PTCHD4: variants seen among roughly 807,000 people sequenced by gnomAD.
The protein encoded by PTCHD4 is patched domain containing 4, also known as patched domain-containing protein 4.
PTCHD4 carries 33 observed loss-of-function variants against 58.1 expected under a neutral mutation model. The ratio of observed to expected loss-of-function variants is 0.57; its 90% CI spans 0.43 to 0.76. The LOEUF (loss-of-function observed/expected upper bound fraction) is 0.76. Ranked by LOEUF, PTCHD4 falls within the 30% of genes least tolerant of loss-of-function variation. PTCHD4 has a pLI of 0.00. For synonymous variants in PTCHD4, 478 were observed against 409.6 expected (o/e 1.17, Z -2.02); for missense variants, 1,058 against 1,027.1 (o/e 1.03, Z -0.41).
At chr6:47,914,214 G>A (rs1315550782) in intron 4 of PTCHD4, among the ~76,000 whole-genome samples, 1 of 152,118 alleles carries the variant, frequency 6.6e-6, no homozygotes, top group Non-Finnish European at 1.5e-5. Context: ...AGCCATTTAA[G>A]TGTTTTCTTA....
rs536307160 is a variant in PTCHD4, at chr6:47,872,028, C to CTT, written c.*6273_*6274dup. The stretch of plus-strand genomic sequence containing the variant: ...AGATGCAAGAATATGACGGCTTATT[C>CTT]TTTTTTTTTTTTCCCCAGCTCTATC... On this transcript the variant is annotated 3_prime_UTR_variant, in exon 5 of 5. Coordinates refer to ENST00000339488, the MANE Select transcript of PTCHD4 (RefSeq NM_001384253.1). Among the ~76,000 whole-genome samples, 100 of 144,394 alleles carry CTT rather than the reference C, an allele frequency of 6.9e-4. 1 individual carries two copies. The highest frequency in any genetic ancestry group is 3.7e-3 in the Admixed American group (53 of 14,392). The allele number at this position is 144,394 out of a possible 152,430, so 94.7% of individuals were successfully genotyped here. A position where few individuals can be genotyped will look rare whatever the true frequency, so the allele number is the denominator to read the frequency against.
intron 4 of PTCHD4, among the ~76,000 whole-genome samples, chr6:47,981,976 G>T (rs1767896675): frequency 6.6e-6 from 1 of 152,128 alleles, no homozygotes; most frequent in Admixed American, 6.5e-5. Flanking sequence ...ACATTCCTCT[G>T]ACTCTCCCAA....
chr6:47,909,658 G>C (rs990947510), intron 4 of PTCHD4, among the ~76,000 whole-genome samples: 7 of 151,916 alleles, frequency 4.6e-5, no homozygotes, highest in African/African-American at 1.7e-4. Flanking sequence ...GCCTAGGCTG[G>C]CCTCAAACTT....
intron 3 of PTCHD4, among the ~76,000 whole-genome samples, chr6:48,043,426 T>C (rs1763917200): frequency 6.6e-6 from 1 of 151,684 alleles, no homozygotes. Flanking sequence ...AAAGGCAGCG[T>C]TTTTTTGACT....
chr6:47,916,328 C>G (rs753185392), intron 4 of PTCHD4, among the ~76,000 whole-genome samples: 2 of 151,998 alleles, frequency 1.3e-5, no homozygotes, highest in African/African-American at 4.8e-5. Context: ...GAGGTCATAG[C>G]CCACCCCAGA....
intron 4 of PTCHD4, among the ~76,000 whole-genome samples, chr6:47,929,281 A>G (rs551241886): frequency 1.3e-3 from 201 of 152,372 alleles, no homozygotes; most frequent in Non-Finnish European, 2.0e-3. Flanking sequence ...CAGAAGATTT[A>G]GCAGAAGTAA....
chr6:47,981,144 T>G (rs534730170), intron 4 of PTCHD4, among the ~76,000 whole-genome samples: 70 of 152,314 alleles, frequency 4.6e-4, no homozygotes, highest in Admixed American at 2.1e-3. Context: ...TATTCCATAT[T>G]TCTATTTTTT....
chr6:48,080,164 C>G (rs1765136821), intron 1 of PTCHD4, among the ~76,000 whole-genome samples: 1 of 151,902 alleles, frequency 6.6e-6, no homozygotes, highest in South Asian at 2.1e-4. Context: ...AAAACTCAGA[C>G]TATGTTTGAC....
chr6:47,957,812 G>C (rs1022721902), intron 4 of PTCHD4, among the ~76,000 whole-genome samples: 1 of 151,640 alleles, frequency 6.6e-6, no homozygotes, highest in Non-Finnish European at 1.5e-5. Context: ...CATCGTGTTA[G>C]CCAGGATGGT....
At chr6:47,892,312 CAA>C (rs1306770311) in intron 4 of PTCHD4, among the ~76,000 whole-genome samples, 2 of 152,096 alleles carry the variant, frequency 1.3e-5, no homozygotes, top group Non-Finnish European at 2.9e-5. Flanking sequence ...ATAATAAATA[CAA>C]GAACTTGCAG....
At chr6:48,090,082 T>C (rs1212061875) in intron 1 of PTCHD4, among the ~76,000 whole-genome samples, 1 of 152,218 alleles carries the variant, frequency 6.6e-6, no homozygotes, top group Non-Finnish European at 1.5e-5. Flanking sequence ...GTTCTTAACA[T>C]AATATCTGAT....
At chr6:47,897,392 A>T (rs961677225) in intron 4 of PTCHD4, among the ~76,000 whole-genome samples, 6 of 152,180 alleles carry the variant, frequency 3.9e-5, no homozygotes, top group Non-Finnish European at 8.8e-5. Flanking sequence ...CAGCTTTCTC[A>T]TTCCATGCAT....
chr6:48,080,533 A>T (rs1470842713), intron 1 of PTCHD4, among the ~76,000 whole-genome samples: 1 of 152,192 alleles, frequency 6.6e-6, no homozygotes, highest in Non-Finnish European at 1.5e-5. Flanking sequence ...CCTACTTCCT[A>T]CATAGACTGT....
rs116855954 is a variant in PTCHD4 at position 47,859,873 on chromosome 6, C to T, written c.*18430G>A. ...AGAGCATTCAGGGTGGTGGGAACTGCAATGACAAAAGACCAAAGGGGGTGC... is the reference window on the plus strand; with the variant it reads ...AGAGCATTCAGGGTGGTGGGAACTGTAATGACAAAAGACCAAAGGGGGTGC... On this transcript the variant is annotated 3_prime_UTR_variant, in exon 5 of 5. Coordinates refer to ENST00000339488, the MANE Select transcript of PTCHD4 (RefSeq NM_001384253.1). 0.042 allele frequency among the ~76,000 whole-genome samples: 6,354 copies of T among 151,978 alleles called. 186 individuals are homozygous for T. Among genetic ancestry groups the T allele is most frequent in the East Asian group, 0.1 (533 of 5,136 alleles).
intron 4 of PTCHD4, chr6:47,901,714 G>A (rs1764711272): frequency 3.4e-6 from 4 of 1,171,010 alleles, no homozygotes; most frequent in Non-Finnish European, 4.3e-6. Flanking sequence ...AGAGGGCTGG[G>A]TTCTTAGACT....
At position 48,043,616 on chromosome 6, in the gene PTCHD4, A is replaced by G. The variant is rs189100045; in HGVS notation, c.417+24614T>C. On this transcript the variant is annotated intron_variant, in intron 3 of 4. Coordinates refer to ENST00000339488, the MANE Select transcript of PTCHD4 (RefSeq NM_001384253.1). ...CAGCAAAGCATGGATACAGTCTCAA[A>G]CCCAAAAATGTTATCGCTCCTTAAA... Among the ~76,000 whole-genome samples, 28 of 151,980 alleles carry G rather than the reference A, an allele frequency of 1.8e-4. No individual in the cohort carries two copies. The East Asian group carries it at 5.2e-3, about 28-fold the overall frequency.
At chr6:47,924,978 T>A (rs113665682) in intron 4 of PTCHD4, among the ~76,000 whole-genome samples, 5 of 149,554 alleles carry the variant, frequency 3.3e-5, no homozygotes, top group African/African-American at 1.2e-4. Context: ...ATATATACAT[T>A]TTATATATAT....
intron 1 of PTCHD4, among the ~76,000 whole-genome samples, chr6:48,107,974 G>A (rs1765772135): frequency 1.3e-5 from 2 of 152,194 alleles, no homozygotes; most frequent in Admixed American, 6.5e-5. Flanking sequence ...AGGATGTGGA[G>A]AAATAGGAAC....
intron 4 of PTCHD4, among the ~76,000 whole-genome samples, chr6:47,949,661 T>C (rs1259503943): frequency 1.3e-5 from 2 of 152,136 alleles, no homozygotes; most frequent in South Asian, 2.1e-4. Flanking sequence ...TCTCTCTTTT[T>C]TTCCCCCCAG....
Sources: gnomAD v4.1 joint callset for allele counts (sites outside exome capture counted in the v4.1 genomes callset) on GRCh38, gnomAD v4.1.1 for gene constraint, MANE v1.5 for transcripts, NCBI Gene and HGNC (gene_info 2026-07-23, HGNC 2026-07-21) for gene names.